Variants in COL25A1 observed in about 807,000 individuals in gnomAD.
COL25A1 encodes the protein collagen type XXV alpha 1 chain.
Under a neutral mutation model 128.4 loss-of-function variants are expected in COL25A1, and 103 were observed. The ratio of observed to expected loss-of-function variants is 0.80; its 90% CI spans 0.68 to 0.94. The LOEUF is 0.94. Ranked by LOEUF, COL25A1 falls within the 40% of genes least tolerant of loss-of-function variation. COL25A1 has a pLI of 0.00. For synonymous variants in COL25A1, 279 were observed against 277.2 expected (o/e 1.01, Z -0.06); for missense variants, 745 against 840.0 (o/e 0.89, Z 1.40).
intron 6 of COL25A1, among the ~76,000 whole-genome samples, chr4:108,977,212 T>C (rs1752521603): frequency 6.6e-6 from 1 of 151,846 alleles, no homozygotes; most frequent in Admixed American, 6.6e-5. Context: ...AAGTTCAAAA[T>C]GAGAGAAAGG....
chr4:109,152,799 T>G lies in COL25A1; in HGVS notation c.368-102620A>C, dbSNP rs6820278. Reference sequence around the variant, plus strand: ...CAAATATTGTATGATTCAATTTATATGAGGTACCTACAGTAGTAAAATTCA... The same window carrying G: ...CAAATATTGTATGATTCAATTTATAGGAGGTACCTACAGTAGTAAAATTCA... On this transcript the variant is annotated intron_variant, in intron 3 of 37. Coordinates refer to ENST00000399132, the MANE Select transcript of COL25A1 (RefSeq NM_198721.4). 9.5e-3 allele frequency among the ~76,000 whole-genome samples: 1,444 copies of G among 152,250 alleles called. 25 individuals carry two copies. The highest frequency in any genetic ancestry group is 0.033 in the African/African-American group (1,351 of 41,538).
intron 3 of COL25A1, among the ~76,000 whole-genome samples, chr4:109,166,477 G>A (rs964138608): frequency 9.2e-5 from 14 of 152,154 alleles, no homozygotes; most frequent in African/African-American, 2.9e-4. Context: ...CAAATCTGGT[G>A]CATAGAATTC....
intron 3 of COL25A1, among the ~76,000 whole-genome samples, chr4:109,248,028 T>C (rs1337401920): frequency 1.3e-5 from 2 of 152,102 alleles, no homozygotes; most frequent in Non-Finnish European, 2.9e-5. Context: ...TGAAAAGACC[T>C]GAGAAAAACC....
At chr4:109,041,003 T>C (rs1040344122) in intron 5 of COL25A1, among the ~76,000 whole-genome samples, 4 of 152,124 alleles carry the variant, frequency 2.6e-5, no homozygotes, top group African/African-American at 7.2e-5. Flanking sequence ...TCAAGCTTCA[T>C]GAAACTGACT....
intron 31 of COL25A1, among the ~76,000 whole-genome samples, chr4:108,832,973 T>TAATTAATAAATAAATAAATAAATAAATA (rs1553944789): frequency 7.5e-5 from 8 of 106,110 alleles, no homozygotes; most frequent in African/African-American, 2.5e-4. Flanking sequence ...TCTCAAAAAA[T>TAATTAATAAATAAATAAATAAATAAATA]AATAAATAAA....
At chr4:109,232,119 T>C (rs1779200529) in intron 3 of COL25A1, among the ~76,000 whole-genome samples, 1 of 152,128 alleles carries the variant, frequency 6.6e-6, no homozygotes, top group South Asian at 2.1e-4. Flanking sequence ...ATTTGCAGAG[T>C]AAGCAGATGG....
intron 18 of COL25A1, among the ~76,000 whole-genome samples, chr4:108,884,660 A>G (rs1406262185): frequency 6.6e-6 from 1 of 152,234 alleles, no homozygotes; most frequent in Non-Finnish European, 1.5e-5. Flanking sequence ...ACAGATGGTC[A>G]CATCAAAACA....
rs143651902 is a variant in COL25A1, at chr4:108,988,088, C to T, written c.439-13529G>A. ...GCTTTAATATATACTACCACGTGAC[C>T]TTTGGCAAATGACTTAACCTCTCTG... On this transcript the variant is annotated intron_variant, in intron 6 of 37. Transcript: ENST00000399132. Among the ~76,000 whole-genome samples, 502 of 152,306 alleles carry T rather than the reference C, an allele frequency of 3.3e-3. 3 individuals carry two copies. Among genetic ancestry groups the T allele is most frequent in the Admixed American group, 9.9e-3 (151 of 15,300 alleles).
intron 27 of COL25A1, among the ~76,000 whole-genome samples, chr4:108,847,389 T>C (rs2125763640): frequency 6.6e-6 from 1 of 152,220 alleles, no homozygotes; most frequent in East Asian, 1.9e-4. Context: ...GGAGAAAAAT[T>C]ATTTATGGAA....
chr4:108,899,547 A>T (rs1306167014), intron 14 of COL25A1, among the ~76,000 whole-genome samples: 1 of 152,136 alleles, frequency 6.6e-6, no homozygotes, highest in Non-Finnish European at 1.5e-5. Context: ...AGAGTTAATC[A>T]GGTGGACTAG....
chr4:109,204,806 C>T (rs958123017), intron 3 of COL25A1, among the ~76,000 whole-genome samples: 1 of 152,234 alleles, frequency 6.6e-6, no homozygotes, highest in East Asian at 1.9e-4. Context: ...AAAACACACA[C>T]CCGGGACCCC....
intron 26 of COL25A1, among the ~76,000 whole-genome samples, chr4:108,850,304 C>T (rs895296697): frequency 6.6e-6 from 1 of 152,066 alleles, no homozygotes; most frequent in African/African-American, 2.4e-5. Flanking sequence ...GTCTGAATTC[C>T]AAGATCAGAA....
At position 109,058,923 on chromosome 4, in the gene COL25A1, G is replaced by A. The variant is rs73838526; in HGVS notation, c.368-8744C>T. Among the ~76,000 whole-genome samples the A allele has an allele frequency of 1.1e-3, 166 of 152,278 alleles. 2 individuals are homozygous for A. The highest frequency in any genetic ancestry group is 3.9e-3 in the African/African-American group (162 of 41,554). ...AAATGAATAAACAGAAAGGCAAGAC[G>A]AAGTCATTCGAGTAAGAGTAGGAGT... On this transcript the variant is annotated intron_variant, in intron 3 of 37. Transcript: ENST00000399132.
chr4:108,886,479 TGTGTGTG>T (rs1740810983), intron 18 of COL25A1, among the ~76,000 whole-genome samples: 4 of 131,294 alleles, frequency 3.0e-5, no homozygotes, highest in African/African-American at 8.3e-5. Context: ...TGTGTGTGTG[TGTGTGTG>T]TGTGTGTTTA....
chr4:108,873,857 T>G (rs1251736015), intron 19 of COL25A1, among the ~76,000 whole-genome samples: 1 of 152,134 alleles, frequency 6.6e-6, no homozygotes, highest in African/African-American at 2.4e-5. Flanking sequence ...ATGAGTTTTC[T>G]TCCTTCAAAG....
chr4:109,146,989 T>G (rs1771003305), intron 3 of COL25A1, among the ~76,000 whole-genome samples: 1 of 152,030 alleles, frequency 6.6e-6, no homozygotes, highest in African/African-American at 2.4e-5. Context: ...ATCAAAACCG[T>G]GTAAAACCCA....
intron 3 of COL25A1, among the ~76,000 whole-genome samples, chr4:109,162,295 C>G (rs1238461409): frequency 6.6e-6 from 1 of 152,096 alleles, no homozygotes; most frequent in African/African-American, 2.4e-5. Context: ...ATTAGCAAAT[C>G]AAAGTCAGAG....
chr4:109,054,680 CA>C (rs1237486445), intron 3 of COL25A1, among the ~76,000 whole-genome samples: 2 of 151,964 alleles, frequency 1.3e-5, no homozygotes, highest in African/African-American at 4.8e-5. Flanking sequence ...GAAAATATTC[CA>C]AAAAATACTC....
At chr4:108,886,105 TTAAG>T (rs564582056) in intron 18 of COL25A1, among the ~76,000 whole-genome samples, 204 of 152,318 alleles carry the variant, frequency 1.3e-3, no homozygotes, top group African/African-American at 4.5e-3. Context: ...TGTATGTGTG[TTAAG>T]TAATAAATGT....
Sources: allele counts gnomAD v4.1 joint callset (sites outside exome capture counted in the v4.1 genomes callset), GRCh38; gene constraint gnomAD v4.1.1; transcripts MANE v1.5; gene names NCBI Gene and HGNC (gene_info 2026-07-23, HGNC 2026-07-21).